IQCJ: variants seen among roughly 807,000 people sequenced by gnomAD.
IQCJ encodes the protein IQ motif containing J.
A neutral mutation model predicts 11.0 loss-of-function variants in IQCJ; 9 were observed. That is an observed-to-expected ratio of 0.82 (90% CI 0.49 to 1.43). The LOEUF is 1.43. Among genes scored for constraint, IQCJ ranks in the 40% most tolerant of loss-of-function variants. The pLI is 0.00. For missense variants in IQCJ, 146 were observed against 133.2 expected (o/e 1.10, Z -0.47); for synonymous variants, 55 against 51.3 (o/e 1.07, Z -0.31).
intron 1 of IQCJ, among the ~76,000 whole-genome samples, chr3:159,080,648 T>C (rs950506240): frequency 4.6e-5 from 7 of 152,160 alleles, no homozygotes; most frequent in Admixed American, 1.3e-4. Context: ...TATTATTACA[T>C]TATTGGATTT....
At chr3:159,144,638 A>G (rs1438952752) in intron 1 of IQCJ, among the ~76,000 whole-genome samples, 1 of 121,650 alleles carries the variant, frequency 8.2e-6, no homozygotes, top group South Asian at 2.9e-4. Flanking sequence ...TTCTATCTAG[A>G]CGTACACACA....
At chr3:159,181,945 T>A (rs1390897987) in intron 1 of IQCJ, among the ~76,000 whole-genome samples, 2 of 143,198 alleles carry the variant, frequency 1.4e-5, no homozygotes, top group African/African-American at 6.1e-5. Flanking sequence ...TTAAATTCCT[T>A]TAAAGTGTCT....
intron 3 of IQCJ, among the ~76,000 whole-genome samples, chr3:159,260,399 T>C (rs979834207): frequency 3.9e-5 from 6 of 152,258 alleles, no homozygotes; most frequent in Non-Finnish European, 5.9e-5. Flanking sequence ...GGGTGTTCTA[T>C]TGGTTGTCAA....
At chr3:159,115,752 T>A (rs1482432210) in intron 1 of IQCJ, among the ~76,000 whole-genome samples, 1 of 152,150 alleles carries the variant, frequency 6.6e-6, no homozygotes, top group African/African-American at 2.4e-5. Flanking sequence ...GAGACCCATC[T>A]CTAAAAAAAT....
In IQCJ at chr3:159,175,660, G is replaced by A. The variant is rs112562633; in HGVS notation, c.10-70183G>A. ...TCTTGAGATTCATTCAGGTTGTTTC[G>A]TATATCAATAGTTTGTTTCTTTTTA... On this transcript the variant is annotated intron_variant, in intron 1 of 3. Transcript: ENST00000397832. Among the ~76,000 whole-genome samples the A allele has an allele frequency of 4.6e-3, 700 of 151,982 alleles. 4 individuals carry two copies. The highest frequency in any genetic ancestry group is 8.1e-3 in the Non-Finnish European group (549 of 67,980).
chr3:159,259,299 C>G (rs564219392), intron 3 of IQCJ, among the ~76,000 whole-genome samples: 22 of 152,330 alleles, frequency 1.4e-4, no homozygotes, highest in African/African-American at 4.3e-4. Context: ...TATTTGTCAT[C>G]TGTTTAGAAG....
At chr3:159,235,513 T>A (rs1004245154) in intron 1 of IQCJ, among the ~76,000 whole-genome samples, 13 of 152,218 alleles carry the variant, frequency 8.5e-5, no homozygotes, top group Admixed American at 3.3e-4. Context: ...GCTTATCCTG[T>A]CTAACAATCC....
chr3:159,073,674 T>G (rs1715730539), intron 1 of IQCJ, among the ~76,000 whole-genome samples: 1 of 152,094 alleles, frequency 6.6e-6, no homozygotes, highest in African/African-American at 2.4e-5. Context: ...TCCAATTCAG[T>G]CTCTCCACTG....
At chr3:159,206,625 C>G (rs1266066893) in intron 1 of IQCJ, among the ~76,000 whole-genome samples, 1 of 152,178 alleles carries the variant, frequency 6.6e-6, no homozygotes, top group East Asian at 1.9e-4. Context: ...TCTGATAAAA[C>G]AGGTCACATA....
chr3:159,241,095 A>T (rs780275208), intron 1 of IQCJ, among the ~76,000 whole-genome samples: 1 of 151,980 alleles, frequency 6.6e-6, no homozygotes, highest in Non-Finnish European at 1.5e-5. Flanking sequence ...AGAAACCCCA[A>T]CTGAAAGTGT....
chr3:159,088,014 G>T (rs942972457), intron 1 of IQCJ, among the ~76,000 whole-genome samples: 8 of 151,698 alleles, frequency 5.3e-5, no homozygotes, highest in Admixed American at 3.9e-4. Flanking sequence ...TGATGTTAGG[G>T]TGTCAATTTT....
At chr3:159,260,650 C>A (rs148493399) in intron 3 of IQCJ, among the ~76,000 whole-genome samples, 192 of 152,256 alleles carry the variant, frequency 1.3e-3, no homozygotes, top group Non-Finnish European at 2.0e-3. Flanking sequence ...TTATGGGACT[C>A]CCTTTCCCAT....
rs78892784 is a variant in IQCJ at position 159,240,405 on chromosome 3, G to A, written c.10-5438G>A. Among the ~76,000 whole-genome samples the A allele has an allele frequency of 1.3e-3, 198 of 152,228 alleles. 1 individual carries two copies. Among genetic ancestry groups the A allele is most frequent in the African/African-American group, 4.4e-3 (182 of 41,544 alleles). ...TTCTAACTGCCTAAAAAGAATCCTT[G>A]TGGCAATTAAATATTTAATTTTGCT... On this transcript the variant is annotated intron_variant, in intron 1 of 3. Transcript: ENST00000397832.
intron 1 of IQCJ, among the ~76,000 whole-genome samples, chr3:159,237,994 T>G (rs1217214009): frequency 6.6e-6 from 1 of 152,054 alleles, no homozygotes; most frequent in Non-Finnish European, 1.5e-5. Context: ...AAGTGACTAT[T>G]TACATAGTTG....
rs144610564 is a variant in IQCJ, at chr3:159,260,635, C to T, written c.156-1913C>T. ...AAGAAGACCACCAAACTCAGGCAGGCAATCTTATGGGACTCCCTTTCCCAT... is the reference window on the plus strand; with the variant it reads ...AAGAAGACCACCAAACTCAGGCAGGTAATCTTATGGGACTCCCTTTCCCAT... On this transcript the variant is annotated intron_variant, in intron 3 of 3. Transcript: ENST00000397832. 5.9e-3 allele frequency among the ~76,000 whole-genome samples: 893 copies of T among 152,202 alleles called. 7 individuals carry two copies. Among genetic ancestry groups the T allele is most frequent in the African/African-American group, 0.02 (824 of 41,522 alleles).
At chr3:159,147,942 G>A (rs932902169) in intron 1 of IQCJ, among the ~76,000 whole-genome samples, 1 of 152,204 alleles carries the variant, frequency 6.6e-6, no homozygotes, top group Admixed American at 6.5e-5. Flanking sequence ...AGTTCTCAAT[G>A]TGTGGTCCCC....
chr3:159,177,327 A>G (rs556729716), intron 1 of IQCJ, among the ~76,000 whole-genome samples: 6 of 152,276 alleles, frequency 3.9e-5, no homozygotes, highest in African/African-American at 1.4e-4. Flanking sequence ...GGGTGACTGC[A>G]TGCCTATTAG....
intron 2 of IQCJ, among the ~76,000 whole-genome samples, chr3:159,246,501 A>G (rs1162420673): frequency 1.3e-5 from 2 of 152,136 alleles, no homozygotes; most frequent in African/African-American, 4.8e-5. Context: ...ATGTATACTC[A>G]GCTAGTGAGT....
rs1199428651 is a variant in IQCJ at position 159,213,061 on chromosome 3, C to T, written c.10-32782C>T. On this transcript the variant is annotated intron_variant, in intron 1 of 3. Transcript: ENST00000397832. ...GCAGCAAGGCAGGTAGATCTCCACACTGCTGCTCCTCAGACCCAAGGCTTC... is the reference window on the plus strand; with the variant it reads ...GCAGCAAGGCAGGTAGATCTCCACATTGCTGCTCCTCAGACCCAAGGCTTC... 2.0e-5 allele frequency among the ~76,000 whole-genome samples: 3 copies of T among 152,222 alleles called. No homozygotes were observed. The East Asian group carries it at 5.8e-4, about 29-fold the overall frequency.
Sources: allele counts gnomAD v4.1 joint callset (sites outside exome capture counted in the v4.1 genomes callset), GRCh38; gene constraint gnomAD v4.1.1; transcripts MANE v1.5; gene names NCBI Gene and HGNC (gene_info 2026-07-23, HGNC 2026-07-21).